Variants in TMEM163 observed in about 807,000 individuals in gnomAD.
TMEM163 encodes the protein transmembrane protein 163.
TMEM163 carries 17 observed loss-of-function variants against 29.3 expected under a neutral mutation model. The ratio of observed to expected loss-of-function variants is 0.58; its 90% confidence interval spans 0.40 to 0.87. The LOEUF (loss-of-function observed/expected upper bound fraction) is 0.87. Ranked by LOEUF, TMEM163 falls within the 40% of genes least tolerant of loss-of-function variation. The pLI, the probability that TMEM163 is intolerant of heterozygous loss-of-function variation, is 0.00. For missense variants in TMEM163, 303 were observed against 381.5 expected, an observed-to-expected ratio of 0.79 and a Z score of 1.71; for synonymous variants, 157 against 160.6, an observed-to-expected ratio of 0.98 and a Z score of 0.17.
intron 4 of TMEM163, among the ~76,000 whole-genome samples, chr2:134,506,008 T>A (rs1679816213): frequency 6.6e-6 from 1 of 152,100 alleles, no homozygotes; most frequent in African/African-American, 2.4e-5. Flanking sequence ...ATCAACCATT[T>A]ACCACTGGGG....
intron 2 of TMEM163, among the ~76,000 whole-genome samples, chr2:134,650,751 A>T: frequency 8.2e-6 from 1 of 122,156 alleles, no homozygotes; most frequent in Non-Finnish European, 1.6e-5. Flanking sequence ...TGTCCATGTG[A>T]TCTCATTGTT....
chr2:134,463,563 A>G (rs1174299448), intron 6 of TMEM163, among the ~76,000 whole-genome samples: 2 of 152,212 alleles, frequency 1.3e-5, no homozygotes, highest in Non-Finnish European at 2.9e-5. Context: ...TGGGTGACGG[A>G]GACCCCAGAA....
chr2:134,716,242 C>T (rs1377596810), intron 1 of TMEM163, among the ~76,000 whole-genome samples: 8 of 152,132 alleles, frequency 5.3e-5, no homozygotes, highest in Non-Finnish European at 1.2e-4. Flanking sequence ...TTAAGATAAA[C>T]CTGGCCTAAT....
At chr2:134,615,794 T>C (rs1682598530) in intron 2 of TMEM163, among the ~76,000 whole-genome samples, 1 of 151,946 alleles carries the variant, frequency 6.6e-6, no homozygotes, top group East Asian at 1.9e-4. Flanking sequence ...GTAGCTGGGA[T>C]TACAGGTGCC....
At chr2:134,586,991 C>T (rs907764557) in intron 2 of TMEM163, among the ~76,000 whole-genome samples, 1 of 152,038 alleles carries the variant, frequency 6.6e-6, no homozygotes, top group Non-Finnish European at 1.5e-5. Flanking sequence ...GAAGGGGAAA[C>T]AGGGGTCTAA....
chr2:134,517,982 TCTTA>T (rs2106493864), intron 4 of TMEM163, among the ~76,000 whole-genome samples: 1 of 152,262 alleles, frequency 6.6e-6, no homozygotes, highest in East Asian at 1.9e-4. Flanking sequence ...TTTTGGCTGA[TCTTA>T]CTTATTTCTG....
At chr2:134,493,424 A>G (rs1036445923) in intron 5 of TMEM163, among the ~76,000 whole-genome samples, 1 of 114,482 alleles carries the variant, frequency 8.7e-6, no homozygotes, top group African/African-American at 3.5e-5. Flanking sequence ...CCCAGTCTGG[A>G]GTACAGTGGT....
In TMEM163 at chr2:134,502,910, G is replaced by T. The variant is rs768273755; in HGVS notation, c.546C>A (p.Leu182=). 1 of 1,613,708 alleles carries T rather than the reference G, an allele frequency of 6.2e-7. No homozygotes were observed. Among genetic ancestry groups the T allele is most frequent in the Admixed American group, 1.7e-5 (1 of 59,962 alleles). ...AGAAGAAGGACCTTACCACTTCTGG[G>T]AGCAGCCTAGTTGAGAGGTCATGGA... ...KAIHDLSTRL[L]PEVDDFLFSV... is the part of the protein sequence containing the mutation. Residue 182 remains leucine (L), a synonymous_variant, in exon 5 of 8, where the codon CTC becomes CTA. Transcript: ENST00000281924.
chr2:134,701,162 TA>T (rs1392015167), intron 2 of TMEM163, among the ~76,000 whole-genome samples: 1 of 151,460 alleles, frequency 6.6e-6, no homozygotes, highest in African/African-American at 2.4e-5. Flanking sequence ...ATTAAAAAGT[TA>T]AATATAAAAA....
At chr2:134,679,155 C>G (rs911696756) in intron 2 of TMEM163, among the ~76,000 whole-genome samples, 1 of 152,174 alleles carries the variant, frequency 6.6e-6, no homozygotes, top group African/African-American at 2.4e-5. Flanking sequence ...TCCAGAGGAT[C>G]TGGGGTGGGG....
chr2:134,602,283 G>A (rs986414498), intron 2 of TMEM163, among the ~76,000 whole-genome samples: 1 of 152,114 alleles, frequency 6.6e-6, no homozygotes, highest in African/African-American at 2.4e-5. Flanking sequence ...CTGCAATCAG[G>A]TGACATCGTT....
intron 5 of TMEM163, among the ~76,000 whole-genome samples, chr2:134,501,056 C>G (rs957049314): frequency 1.3e-5 from 2 of 152,046 alleles, no homozygotes; most frequent in Non-Finnish European, 2.9e-5. Context: ...TCACTAATTA[C>G]CCTAATCTGG....
intron 2 of TMEM163, among the ~76,000 whole-genome samples, chr2:134,556,240 C>G (rs1257057742): frequency 6.6e-6 from 1 of 152,176 alleles, no homozygotes; most frequent in Non-Finnish European, 1.5e-5. Context: ...AATACATTAG[C>G]CAATAATTTC....
intron 5 of TMEM163, among the ~76,000 whole-genome samples, chr2:134,487,217 A>G (rs764326239): frequency 1.3e-5 from 2 of 152,182 alleles, no homozygotes; most frequent in Non-Finnish European, 2.9e-5. Flanking sequence ...ACCCAAAATA[A>G]TCCATTGATA....
chr2:134,469,873 CCTTT>C (rs1174591425), intron 5 of TMEM163: 1 of 152,436 alleles, frequency 6.6e-6, no homozygotes, highest in African/African-American at 2.4e-5. Flanking sequence ...TGTCCTTGCG[CCTTT>C]CTCTTTGCCC....
At chr2:134,708,870 A>G (rs1684871120) in intron 2 of TMEM163, among the ~76,000 whole-genome samples, 1 of 152,124 alleles carries the variant, frequency 6.6e-6, no homozygotes, top group South Asian at 2.1e-4. Context: ...TACAAGCATG[A>G]GCCATCGCTC....
At chr2:134,481,966 C>T (rs1257943570) in intron 5 of TMEM163, among the ~76,000 whole-genome samples, 1 of 152,184 alleles carries the variant, frequency 6.6e-6, no homozygotes, top group Non-Finnish European at 1.5e-5. Flanking sequence ...CACCATCTCT[C>T]CCCATCACTC....
intron 2 of TMEM163, among the ~76,000 whole-genome samples, chr2:134,621,968 TA>T (rs1426888027): frequency 6.6e-6 from 1 of 152,252 alleles, no homozygotes; most frequent in East Asian, 1.9e-4. Flanking sequence ...ATTCAATAAT[TA>T]AAAAGAACAA....
intron 1 of TMEM163, among the ~76,000 whole-genome samples, chr2:134,716,143 G>T (rs181466354): frequency 5.3e-5 from 8 of 152,286 alleles, no homozygotes; most frequent in African/African-American, 1.9e-4. Flanking sequence ...ATTACCTAAG[G>T]CTAAGCTGGG....
Sources: gnomAD v4.1 joint callset for allele counts (sites outside exome capture counted in the v4.1 genomes callset) on GRCh38, gnomAD v4.1.1 for gene constraint, MANE v1.5 for transcripts, NCBI Gene and HGNC (gene_info 2026-07-23, HGNC 2026-07-21) for gene names.